CRB1: variants seen among roughly 807,000 people sequenced by gnomAD.
The protein encoded by CRB1 is crumbs cell polarity complex component 1.
CRB1 carries 83 observed loss-of-function variants against 120.0 expected under a neutral mutation model. That is an observed-to-expected ratio of 0.69 (90% CI 0.58 to 0.83). CRB1 has a LOEUF of 0.83. Ranked by LOEUF, CRB1 falls within the 40% of genes least tolerant of loss-of-function variation. The pLI is 0.00. For synonymous variants in CRB1, 625 were observed against 612.5 expected, an observed-to-expected ratio of 1.02 and a Z score of -0.30; for missense variants, 1,699 against 1,687.6, an observed-to-expected ratio of 1.01 and a Z score of -0.12.
At chr1:197,218,076 A>G in the CRB1 span, among the ~76,000 whole-genome samples, 2 of 152,234 alleles carry the variant, frequency 1.3e-5, no homozygotes, top group African/African-American at 4.8e-5. Context: ...ATGCATTTTC[A>G]TAATGAAAAA....
At chr1:197,212,081 A>T in the CRB1 span, among the ~76,000 whole-genome samples, 1 of 152,176 alleles carries the variant, frequency 6.6e-6, no homozygotes, top group Non-Finnish European at 1.5e-5. Flanking sequence ...ATGAGATACC[A>T]CTATACATCC....
At chr1:197,230,796 G>T in the CRB1 span, among the ~76,000 whole-genome samples, 1 of 152,140 alleles carries the variant, frequency 6.6e-6, no homozygotes, top group East Asian at 1.9e-4. Flanking sequence ...AGGTAGAGGT[G>T]AATATAGAGC....
chr1:197,465,459 T>C (rs1181424660), intron 11 of CRB1, among the ~76,000 whole-genome samples: 1 of 152,196 alleles, frequency 6.6e-6, no homozygotes, highest in Non-Finnish European at 1.5e-5. Flanking sequence ...AAAGCCTGAC[T>C]TCTGAAACAA....
At chr1:197,284,622 G>A (rs1376799763) in intron 1 of CRB1, among the ~76,000 whole-genome samples, 1 of 151,872 alleles carries the variant, frequency 6.6e-6, no homozygotes, top group Non-Finnish European at 1.5e-5. Flanking sequence ...AGTTGCTGCT[G>A]CAAATCAGAG....
intron 11 of CRB1, chr1:197,447,464 G>A (rs1665754250): frequency 6.6e-6 from 1 of 152,100 alleles, no homozygotes. Flanking sequence ...ACAAGTCACA[G>A]GTTCTATCTA....
chr1:197,474,884 G>A (rs978612827), intron 11 of CRB1, among the ~76,000 whole-genome samples: 2 of 152,044 alleles, frequency 1.3e-5, no homozygotes, highest in African/African-American at 4.8e-5. Flanking sequence ...GTGTTTTTCT[G>A]GTCAGATTTC....
the CRB1 span, among the ~76,000 whole-genome samples, chr1:197,260,501 A>G: frequency 6.6e-6 from 1 of 151,952 alleles, no homozygotes; most frequent in East Asian, 1.9e-4. Flanking sequence ...CCCCTGTGTT[A>G]GTAAGCCTGA....
intron 5 of CRB1, among the ~76,000 whole-genome samples, chr1:197,410,301 G>A (rs1341559968): frequency 6.6e-6 from 1 of 152,120 alleles, no homozygotes; most frequent in Non-Finnish European, 1.5e-5. Flanking sequence ...AACAAACTTC[G>A]CCATCTCCAG....
chr1:197,363,008 T>G (rs917892825), intron 5 of CRB1, among the ~76,000 whole-genome samples: 2 of 152,124 alleles, frequency 1.3e-5, no homozygotes, highest in Admixed American at 6.5e-5. Flanking sequence ...GATTTCTGTA[T>G]AGTGTTTTTA....
At chr1:197,268,189 G>GA (rs1654704704), upstream of CRB1, 9 of 506,914 alleles carry the variant, frequency 1.8e-5, no homozygotes, top group Non-Finnish European at 3.2e-5. Flanking sequence ...CACCAGGTTT[G>GA]AAAAATCACC....
chr1:197,309,784 A>ATAAATAAG (rs1657408012), intron 1 of CRB1, among the ~76,000 whole-genome samples: 1 of 151,478 alleles, frequency 6.6e-6, no homozygotes, highest in African/African-American at 2.4e-5. Context: ...AAATAAATAA[A>ATAAATAAG]TAAATAAATA....
chr1:197,341,415 C>T (rs377125384), intron 2 of CRB1, among the ~76,000 whole-genome samples: 69 of 152,004 alleles, frequency 4.5e-4, no homozygotes, highest in Admixed American at 5.2e-4. Context: ...TGATGGCATG[C>T]GCCTGTAGTC....
chr1:197,231,058 T>G, the CRB1 span, among the ~76,000 whole-genome samples: 1 of 152,118 alleles, frequency 6.6e-6, no homozygotes, highest in South Asian at 2.1e-4. Flanking sequence ...GCTTCCCAAT[T>G]TGGAGAGAAA....
intron 5 of CRB1, among the ~76,000 whole-genome samples, chr1:197,405,969 G>A (rs1262779569): frequency 1.7e-4 from 25 of 148,308 alleles, no homozygotes; most frequent in African/African-American, 4.8e-4. Flanking sequence ...TCAGCCCCCC[G>A]CCCGGCCAGC....
intron 2 of CRB1, among the ~76,000 whole-genome samples, chr1:197,332,787 A>G (rs1658938683): frequency 6.6e-6 from 1 of 152,132 alleles, no homozygotes. Flanking sequence ...TTATTTGGAA[A>G]TTTTTCTTGC....
At chr1:197,213,930 A>T in the CRB1 span, among the ~76,000 whole-genome samples, 1 of 152,156 alleles carries the variant, frequency 6.6e-6, no homozygotes, top group East Asian at 1.9e-4. Flanking sequence ...AGAAAAAAGA[A>T]AACTCTCAAA....
At chr1:197,249,344 T>A in the CRB1 span, among the ~76,000 whole-genome samples, 1 of 151,966 alleles carries the variant, frequency 6.6e-6, no homozygotes, top group African/African-American at 2.4e-5. Flanking sequence ...AATAATCTTG[T>A]ACAAAGAACA....
At chr1:197,361,055 T>A (rs2821115) in intron 5 of CRB1, among the ~76,000 whole-genome samples, 126,944 of 152,196 alleles carry the variant, frequency 0.83, 53,253 homozygotes, top group African/African-American at 0.92. Flanking sequence ...GGTAGATTGC[T>A]CTGGTTCATT....
chr1:197,435,672 T>C, intron 9 of CRB1, 60 bp downstream of exon 9: 1 of 1,447,018 alleles, frequency 6.9e-7, no homozygotes, highest in Non-Finnish European at 9.5e-7. Context: ...TCACTGTTCT[T>C]GTCAAATTGG....
Sources: gnomAD v4.1 joint callset for allele counts (sites outside exome capture counted in the v4.1 genomes callset) on GRCh38, gnomAD v4.1.1 for gene constraint, MANE v1.5 for transcripts, NCBI Gene and HGNC (gene_info 2026-07-23, HGNC 2026-07-21) for gene names.